Variants in YWHAE observed in about 807,000 individuals in gnomAD.
YWHAE encodes the protein tyrosine 3-monooxygenase/tryptophan 5-monooxygenase activation protein epsilon, also known as 14-3-3 protein epsilon.
In YWHAE, 4 loss-of-function variants were observed where a neutral mutation model predicts 30.1. That is an observed-to-expected ratio of 0.13 (90% confidence interval 0.07 to 0.30). YWHAE has a LOEUF of 0.30. Among genes scored for constraint, YWHAE ranks in the 10% least tolerant of loss-of-function variants. The pLI, the probability that YWHAE is intolerant of heterozygous loss-of-function variation, is 1.00. For missense variants in YWHAE, 121 were observed against 315.9 expected (o/e 0.38, Z 4.68); for synonymous variants, 118 against 111.8 (o/e 1.06, Z -0.35).
chr17:1,363,391 G>A (rs576239792), intron 2 of YWHAE, among the ~76,000 whole-genome samples: 26 of 152,076 alleles, frequency 1.7e-4, no homozygotes, highest in African/African-American at 4.1e-4. Flanking sequence ...TCAGCCTCCC[G>A]AGTAGCTGGG....
At chr17:1,357,132 G>T (rs1239944977) in intron 4 of YWHAE, among the ~76,000 whole-genome samples, 1 of 151,294 alleles carries the variant, frequency 6.6e-6, no homozygotes, top group Admixed American at 6.6e-5. Flanking sequence ...GGCCGGGCGC[G>T]GTGGCTCACA....
At chr17:1,377,086 A>G (rs1445497896) in intron 1 of YWHAE, among the ~76,000 whole-genome samples, 3 of 151,882 alleles carry the variant, frequency 2.0e-5, no homozygotes, top group East Asian at 1.9e-4. Flanking sequence ...GCTAATTTTT[A>G]TATTTTTAGT....
At chr17:1,384,326 TG>T (rs202059679) in intron 1 of YWHAE, among the ~76,000 whole-genome samples, 10,989 of 149,934 alleles carry the variant, frequency 0.073, 460 homozygotes, top group African/African-American at 0.097. Context: ...CAGTGAGGTG[TG>T]TCTGCTACTG....
chr17:1,395,162 G>A (rs1189768523), intron 1 of YWHAE, among the ~76,000 whole-genome samples: 1 of 151,290 alleles, frequency 6.6e-6, no homozygotes, highest in African/African-American at 2.4e-5. Flanking sequence ...GGAGGCCGAG[G>A]CAGGCAGATC....
At chr17:1,363,477 G>T (rs1244218341) in intron 2 of YWHAE, among the ~76,000 whole-genome samples, 1 of 152,040 alleles carries the variant, frequency 6.6e-6, no homozygotes, top group Non-Finnish European at 1.5e-5. Flanking sequence ...TGTCGGTCAG[G>T]CTGCTCTCGA....
intron 1 of YWHAE, among the ~76,000 whole-genome samples, chr17:1,390,642 TTC>T (rs1405272641): frequency 6.6e-6 from 1 of 152,222 alleles, no homozygotes; most frequent in Admixed American, 6.5e-5. Context: ...TTCCTGTGCA[TTC>T]TGTGATGGCA....
At chr17:1,370,737 TA>T (rs766844679) in intron 1 of YWHAE, among the ~76,000 whole-genome samples, 24 of 151,948 alleles carry the variant, frequency 1.6e-4, no homozygotes, top group East Asian at 5.9e-4. Flanking sequence ...GGCTCACGCC[TA>T]GTAATCCCAG....
intron 5 of YWHAE, among the ~76,000 whole-genome samples, chr17:1,349,665 G>A (rs957586828): frequency 6.6e-6 from 1 of 151,442 alleles, no homozygotes; most frequent in Admixed American, 6.6e-5. Flanking sequence ...CCAGGCTGGA[G>A]TGCAGTGGTG....
intron 1 of YWHAE, among the ~76,000 whole-genome samples, chr17:1,396,318 G>A (rs538214384): frequency 1.3e-3 from 191 of 152,234 alleles, no homozygotes; most frequent in Non-Finnish European, 2.2e-3. Context: ...CAGCTACTCG[G>A]GAGGGTGAGG....
intron 1 of YWHAE, among the ~76,000 whole-genome samples, chr17:1,370,478 G>A (rs949082054): frequency 4.0e-5 from 6 of 150,336 alleles, no homozygotes; most frequent in African/African-American, 1.2e-4. Flanking sequence ...TTGCTCTGTA[G>A]CCCAGGCAGT....
intron 4 of YWHAE, among the ~76,000 whole-genome samples, chr17:1,359,066 G>A (rs1490529653): frequency 6.6e-6 from 1 of 151,866 alleles, no homozygotes; most frequent in Non-Finnish European, 1.5e-5. Context: ...AACCTGGAAG[G>A]CAGAGGTTGC....
chr17:1,359,104 C>T (rs777008820), intron 4 of YWHAE, among the ~76,000 whole-genome samples: 25 of 151,728 alleles, frequency 1.6e-4, no homozygotes, highest in Non-Finnish European at 3.4e-4. Flanking sequence ...CCACTGCACT[C>T]CAGCCTGGGT....
At chr17:1,355,332 T>C (rs1239282732) in intron 4 of YWHAE, among the ~76,000 whole-genome samples, 2 of 150,410 alleles carry the variant, frequency 1.3e-5, no homozygotes, top group South Asian at 2.1e-4. Context: ...GATTTGTTTT[T>C]ATATTTTTAG....
At chr17:1,387,546 ATTAACT>A (rs537946951) in intron 1 of YWHAE, among the ~76,000 whole-genome samples, 184 of 152,254 alleles carry the variant, frequency 1.2e-3, no homozygotes, top group Middle Eastern at 0.01. Flanking sequence ...TAGTAGAAGG[ATTAACT>A]TTACATTCAG....
At chr17:1,384,572 A>G (rs2073271957) in intron 1 of YWHAE, among the ~76,000 whole-genome samples, 1 of 152,004 alleles carries the variant, frequency 6.6e-6, no homozygotes, top group Non-Finnish European at 1.5e-5. Flanking sequence ...AGGCACCTGT[A>G]CTCCCAGCTA....
intron 5 of YWHAE, among the ~76,000 whole-genome samples, chr17:1,349,779 AT>A (rs539846046): frequency 6.6e-6 from 1 of 151,082 alleles, no homozygotes; most frequent in South Asian, 2.1e-4. Flanking sequence ...CGCCCGGGTA[AT>A]TTTTTTTGTA....
intron 1 of YWHAE, among the ~76,000 whole-genome samples, chr17:1,395,230 C>T (rs1296800292): frequency 6.6e-6 from 1 of 151,444 alleles, no homozygotes; most frequent in Non-Finnish European, 1.5e-5. Context: ...CTGTCTCTAC[C>T]AAAAACACAA....
intron 5 of YWHAE, among the ~76,000 whole-genome samples, chr17:1,351,699 G>A (rs556327798): frequency 2.6e-5 from 4 of 152,164 alleles, no homozygotes; most frequent in South Asian, 4.2e-4. Context: ...TGGCGCAATC[G>A]AAGCTCACTG....
intron 1 of YWHAE, among the ~76,000 whole-genome samples, chr17:1,395,578 G>GAA (rs1229221202): frequency 6.6e-6 from 1 of 152,106 alleles, no homozygotes; most frequent in African/African-American, 2.4e-5. Flanking sequence ...TTAAGAAGGA[G>GAA]AAAAATAAAC....
Sources: gnomAD v4.1 joint callset for allele counts (sites outside exome capture counted in the v4.1 genomes callset) on GRCh38, gnomAD v4.1.1 for gene constraint, MANE v1.5 for transcripts, NCBI Gene and HGNC (gene_info 2026-07-23, HGNC 2026-07-21) for gene names.